The following EPHB1 variants were observed in gnomAD, a reference collection of about 807,000 sequenced individuals.
EPHB1 encodes the protein EPH receptor B1.
A neutral mutation model predicts 94.4 loss-of-function variants in EPHB1; 30 were observed. That is an observed-to-expected ratio of 0.32 (90% CI 0.24 to 0.43). The LOEUF is 0.43. Ranked by LOEUF, EPHB1 falls within the 20% of genes least tolerant of loss-of-function variation. EPHB1 has a pLI of 1.00. For missense variants in EPHB1, 1,055 were observed against 1,308.3 expected (o/e 0.81, Z 2.99); for synonymous variants, 522 against 489.1 (o/e 1.07, Z -0.89).
At chr3:135,239,191 T>A (rs917714702) in intron 12 of EPHB1, among the ~76,000 whole-genome samples, 1 of 152,102 alleles carries the variant, frequency 6.6e-6, no homozygotes, top group Admixed American at 6.5e-5. Context: ...TTGCAGAAAG[T>A]GGGATGTGTG....
intron 3 of EPHB1, among the ~76,000 whole-genome samples, chr3:135,096,698 A>C (rs185561093): frequency 2.0e-5 from 3 of 152,374 alleles, no homozygotes; most frequent in Admixed American, 6.5e-5. Flanking sequence ...CTTACAGGGC[A>C]GAAAGAAAGC....
intron 10 of EPHB1, among the ~76,000 whole-genome samples, chr3:135,192,343 C>CACTTAAAACAAACTCACA (rs1209817810): frequency 2.3e-4 from 1 of 4,268 alleles, no homozygotes; most frequent in African/African-American, 8.5e-4. Flanking sequence ...CTTTAGTTAC[C>CACTTAAAACAAACTCACA]CAAACTATTT....
At chr3:135,163,662 C>T (rs971847789) in intron 7 of EPHB1, among the ~76,000 whole-genome samples, 2 of 152,148 alleles carry the variant, frequency 1.3e-5, no homozygotes, top group African/African-American at 2.4e-5. Flanking sequence ...CAAAATGCTC[C>T]GAGTGCTGGT....
intron 5 of EPHB1, 31 bp downstream of exon 5, chr3:135,133,080 G>C (rs1211976271): frequency 5.8e-6 from 9 of 1,542,308 alleles, no homozygotes. Flanking sequence ...GCTCCTGTTT[G>C]GATGTGTGGC....
intron 3 of EPHB1, among the ~76,000 whole-genome samples, chr3:135,023,788 G>A (rs1183353775): frequency 6.6e-6 from 1 of 152,078 alleles, no homozygotes; most frequent in African/African-American, 2.4e-5. Flanking sequence ...GTATTTTAGT[G>A]GGAATCTGGG....
chr3:135,007,007 A>T (rs1030385288), intron 3 of EPHB1, among the ~76,000 whole-genome samples: 1 of 152,178 alleles, frequency 6.6e-6, no homozygotes, highest in Non-Finnish European at 1.5e-5. Context: ...GACCCAATGG[A>T]TCAGGAGTCA....
At chr3:135,135,041 C>T (rs534885515) in intron 5 of EPHB1, among the ~76,000 whole-genome samples, 3 of 152,272 alleles carry the variant, frequency 2.0e-5, no homozygotes, top group East Asian at 1.9e-4. Flanking sequence ...TTTGTATCCT[C>T]ACCCTTTTGC....
At chr3:135,189,790 A>G (rs1053941515) in intron 10 of EPHB1, among the ~76,000 whole-genome samples, 1 of 152,224 alleles carries the variant, frequency 6.6e-6, no homozygotes, top group African/African-American at 2.4e-5. Context: ...GCACTTTTCC[A>G]AACTCCACAC....
At chr3:134,816,243 C>T (rs1347078887) in intron 1 of EPHB1, among the ~76,000 whole-genome samples, 1 of 151,814 alleles carries the variant, frequency 6.6e-6, no homozygotes. Flanking sequence ...CCACCACAGC[C>T]AGCTAATTTT....
At chr3:135,084,040 G>C (rs1243505281) in intron 3 of EPHB1, among the ~76,000 whole-genome samples, 1 of 152,138 alleles carries the variant, frequency 6.6e-6, no homozygotes, top group Non-Finnish European at 1.5e-5. Flanking sequence ...CCCTCTGCCT[G>C]CCTTTTCAAG....
At chr3:134,880,544 G>A (rs2037710908) in intron 1 of EPHB1, among the ~76,000 whole-genome samples, 2 of 152,212 alleles carry the variant, frequency 1.3e-5, no homozygotes, top group Admixed American at 6.5e-5. Flanking sequence ...TCCCTTCATG[G>A]AGACTGCTGT....
intron 1 of EPHB1, among the ~76,000 whole-genome samples, chr3:134,892,589 G>A (rs1229265345): frequency 6.6e-6 from 1 of 152,230 alleles, no homozygotes; most frequent in Non-Finnish European, 1.5e-5. Flanking sequence ...GGTGTTTAAA[G>A]TCAAGTGTTT....
At chr3:134,885,953 G>A (rs1301345697) in intron 1 of EPHB1, among the ~76,000 whole-genome samples, 3 of 152,212 alleles carry the variant, frequency 2.0e-5, no homozygotes, top group Non-Finnish European at 2.9e-5. Flanking sequence ...CCCAGACTGA[G>A]CAGTGTTGGA....
intron 3 of EPHB1, among the ~76,000 whole-genome samples, chr3:135,094,688 GCT>G (rs1467212087): frequency 2.6e-5 from 4 of 152,164 alleles, no homozygotes; most frequent in Admixed American, 1.3e-4. Flanking sequence ...CCTCTTCTCT[GCT>G]CTCTCTGTCT....
chr3:135,115,484 C>T (rs912284347), intron 4 of EPHB1, among the ~76,000 whole-genome samples: 2 of 152,166 alleles, frequency 1.3e-5, no homozygotes, highest in African/African-American at 4.8e-5. Context: ...CTTTGCGCAC[C>T]CTGAGCATTC....
chr3:135,025,195 A>C (rs1166069328), intron 3 of EPHB1, among the ~76,000 whole-genome samples: 5 of 103,148 alleles, frequency 4.8e-5, no homozygotes, highest in Non-Finnish European at 4.2e-5. Context: ...GAAGGTTACA[A>C]AGAATATTTA....
intron 1 of EPHB1, among the ~76,000 whole-genome samples, chr3:134,808,120 GCA>G (rs936032065): frequency 3.3e-5 from 5 of 152,224 alleles, no homozygotes; most frequent in Non-Finnish European, 7.3e-5. Flanking sequence ...AGACTAATCA[GCA>G]CAGTCACTTA....
At chr3:134,971,519 C>T (rs962981976) in intron 3 of EPHB1, among the ~76,000 whole-genome samples, 3 of 152,220 alleles carry the variant, frequency 2.0e-5, no homozygotes, top group Non-Finnish European at 2.9e-5. Context: ...GCACACTGTT[C>T]TTAATGTGAA....
At chr3:135,231,348 TGA>T (rs1328531879) in intron 12 of EPHB1, among the ~76,000 whole-genome samples, 1 of 152,120 alleles carries the variant, frequency 6.6e-6, no homozygotes, top group East Asian at 1.9e-4. Flanking sequence ...TACAGAAAAA[TGA>T]CGTCTGTTTG....
Sources: allele counts gnomAD v4.1 joint callset (sites outside exome capture counted in the v4.1 genomes callset), GRCh38; gene constraint gnomAD v4.1.1; transcripts MANE v1.5; gene names NCBI Gene and HGNC (gene_info 2026-07-23, HGNC 2026-07-21).